Variants in SHANK2 observed in about 807,000 individuals in gnomAD.
The protein encoded by SHANK2 is SH3 and multiple ankyrin repeat domains 2, also known as SH3 and multiple ankyrin repeat domains protein 2.
Under a neutral mutation model 133.7 loss-of-function variants are expected in SHANK2, and 43 were observed. The observed-to-expected ratio is 0.32, with a 90% CI of 0.25 to 0.41. The LOEUF (loss-of-function observed/expected upper bound fraction) is 0.41, where lower values mean the gene tolerates loss of function less well. Ranked by LOEUF, SHANK2 falls within the 10% of genes least tolerant of loss-of-function variation. The probability of loss-of-function intolerance (pLI) is 1.00; values close to 1 mark genes in which losing one functional copy is unlikely to be tolerated. For synonymous variants in SHANK2, 1,017 were observed against 952.8 expected, an observed-to-expected ratio of 1.07 and a Z score of -1.24; for missense variants, 1,994 against 2,235.8, an observed-to-expected ratio of 0.89 and a Z score of 2.18.
At chr11:71,210,548 C>A (rs1433758508) in intron 2 of SHANK2, among the ~76,000 whole-genome samples, 2 of 151,946 alleles carry the variant, frequency 1.3e-5, no homozygotes, top group Non-Finnish European at 2.9e-5. Flanking sequence ...CCATGCCCAG[C>A]CCAGATACAT....
At chr11:70,867,374 G>A (rs782437757) in intron 11 of SHANK2, among the ~76,000 whole-genome samples, 19 of 152,322 alleles carry the variant, frequency 1.2e-4, no homozygotes, top group African/African-American at 3.4e-4. Flanking sequence ...GAGCAGGTCC[G>A]GAGGCCAAGG....
At chr11:70,906,526 A>C (rs1249857426) in intron 10 of SHANK2, among the ~76,000 whole-genome samples, 3 of 152,090 alleles carry the variant, frequency 2.0e-5, no homozygotes, top group African/African-American at 7.2e-5. Context: ...GCCAAAACGA[A>C]ATGTGCCTCC....
chr11:71,183,180 C>G (rs1007002455), intron 2 of SHANK2, among the ~76,000 whole-genome samples: 1 of 152,170 alleles, frequency 6.6e-6, no homozygotes, highest in African/African-American at 2.4e-5. Context: ...GCAGGCTGGG[C>G]TCCAAGGATA....
At chr11:70,513,443 G>A (rs1232718146) in intron 17 of SHANK2, among the ~76,000 whole-genome samples, 2 of 152,182 alleles carry the variant, frequency 1.3e-5, no homozygotes, top group Non-Finnish European at 2.9e-5. Flanking sequence ...TGCAATTTGA[G>A]TTTAACCAAA....
At position 70,804,209 on chromosome 11, in the gene SHANK2, A is replaced by T. The variant is rs1948113222; in HGVS notation, c.1663+2793T>A. ...TGTTCCCTTGATATCAAGGGGACAG[A>T]ATTCCTCCAAACGGCCTTGGCTCTG... On this transcript the variant is annotated intron_variant, in intron 13 of 25. Transcript: ENST00000601538. The surrounding 1 kb of genome is among the most constrained non-coding windows in gnomAD (Gnocchi z 4.1). Among the ~76,000 whole-genome samples the T allele has an allele frequency of 6.6e-6, 1 of 152,192 alleles. No homozygotes were observed. Among genetic ancestry groups the T allele is most frequent in the Admixed American group, 6.5e-5 (1 of 15,286 alleles).
intron 17 of SHANK2, among the ~76,000 whole-genome samples, chr11:70,568,453 G>A (rs968587735): frequency 1.3e-5 from 2 of 152,136 alleles, no homozygotes; most frequent in African/African-American, 2.4e-5. Context: ...CGAGTCTGAA[G>A]AACTCATTTA....
In SHANK2 at chr11:70,535,904, C is replaced by T. The variant is rs868907063; in HGVS notation, c.2062-32973G>A. Among the ~76,000 whole-genome samples, 4 of 152,342 alleles carry T rather than the reference C, an allele frequency of 2.6e-5. No individual in the cohort carries two copies. In the Middle Eastern group the frequency reaches 0.01, roughly 389 times the overall value. On this transcript the variant is annotated intron_variant, in intron 17 of 25. Coordinates refer to ENST00000601538, the MANE Select transcript of SHANK2 (RefSeq NM_012309.5). This position sits in a 1 kb window ranked among gnomAD's most constrained non-coding sequence, Gnocchi z 4.3. ...GGGGGAAGCAGTGACTGGCCGGAGACCCCAGGAAAGGCACATAGCCCAGAA... is the reference window on the plus strand; with the variant it reads ...GGGGGAAGCAGTGACTGGCCGGAGATCCCAGGAAAGGCACATAGCCCAGAA...
intron 2 of SHANK2, among the ~76,000 whole-genome samples, chr11:71,174,309 G>A (rs1323255401): frequency 2.0e-5 from 3 of 152,162 alleles, no homozygotes; most frequent in African/African-American, 7.2e-5. Context: ...AGAGGCTGAG[G>A]CGGGAGGATC....
chr11:70,792,307 C>T (rs1355875637), intron 14 of SHANK2, among the ~76,000 whole-genome samples: 2 of 150,976 alleles, frequency 1.3e-5, no homozygotes, highest in African/African-American at 2.4e-5. Flanking sequence ...AACCAACCAA[C>T]CAACCAACCA....
At chr11:70,750,668 A>G (rs781973100) in intron 14 of SHANK2, among the ~76,000 whole-genome samples, 7 of 152,154 alleles carry the variant, frequency 4.6e-5, no homozygotes, top group Non-Finnish European at 8.8e-5. Context: ...GTGAACTTCT[A>G]GGCTCAGCTC....
chr11:70,724,953 T>A (rs538746923), intron 14 of SHANK2, among the ~76,000 whole-genome samples: 1 of 152,268 alleles, frequency 6.6e-6, no homozygotes, highest in African/African-American at 2.4e-5. Flanking sequence ...CTCAAGGTAG[T>A]TAAAACCAGT....
At chr11:71,214,979 G>A (rs1030752215) in intron 2 of SHANK2, among the ~76,000 whole-genome samples, 8 of 152,244 alleles carry the variant, frequency 5.3e-5, no homozygotes, top group Non-Finnish European at 7.4e-5. Flanking sequence ...GCTGCGTGGC[G>A]GTTTCCTCCT....
At chr11:70,669,978 T>C (rs1944764371) in intron 15 of SHANK2, among the ~76,000 whole-genome samples, 1 of 152,168 alleles carries the variant, frequency 6.6e-6, no homozygotes, top group African/African-American at 2.4e-5. Flanking sequence ...ACATTGAACA[T>C]GGGCTGTGGG....
chr11:70,487,038 G>A lies in SHANK2; in HGVS notation c.3255C>T (p.Ala1085=), dbSNP rs1555154088. 6.2e-7 allele frequency: 1 copy of A among 1,609,084 alleles called. No homozygotes were observed. Among genetic ancestry groups the A allele is most frequent in the East Asian group, 2.2e-5 (1 of 44,828 alleles). Residue 1085 remains alanine, a synonymous_variant, in exon 25 of 26, where the codon GCC becomes GCT. Transcript: ENST00000601538. This position sits in a 1 kb window ranked among gnomAD's most constrained non-coding sequence, Gnocchi z 5.8. ...CCAGCCGCTTCTCACGGTCGCGGAC[G>A]GCTCCGGCGATGGCGGCGGCAAAGG... ...SSPFAAAIAG[A]VRDREKRLEA... is the part of the protein sequence containing the mutation.
chr11:70,714,779 C>A (rs1371509572), intron 14 of SHANK2, among the ~76,000 whole-genome samples: 1 of 149,456 alleles, frequency 6.7e-6, no homozygotes, highest in Non-Finnish European at 1.5e-5. Flanking sequence ...TTTTTTTTTT[C>A]TTTTGCAAAA....
intron 11 of SHANK2, among the ~76,000 whole-genome samples, chr11:70,892,576 G>T (rs967467931): frequency 6.6e-6 from 1 of 152,194 alleles, no homozygotes; most frequent in Non-Finnish European, 1.5e-5. Flanking sequence ...GGTTCTCAAG[G>T]TAAGTACTTC....
chr11:70,510,488 T>C (rs2059190436), intron 17 of SHANK2, among the ~76,000 whole-genome samples: 1 of 152,156 alleles, frequency 6.6e-6, no homozygotes, highest in South Asian at 2.1e-4. Context: ...CTGGGGCATG[T>C]AATGTGGGTC....
intron 17 of SHANK2, among the ~76,000 whole-genome samples, chr11:70,555,670 G>C (rs534103367): frequency 1.3e-5 from 2 of 152,352 alleles, no homozygotes; most frequent in African/African-American, 4.8e-5. Context: ...AGGCTGCAGT[G>C]AGCTGTGAAT....
chr11:70,617,230 TGTGCATGTGTGTCACTGAGA>T (rs1438557469), intron 17 of SHANK2, among the ~76,000 whole-genome samples: 6 of 151,964 alleles, frequency 3.9e-5, no homozygotes, highest in African/African-American at 1.5e-4. Context: ...GTTGTGTGTG[TGTGCATGTGTGTCACTGAGA>T]GTGCATGTGT....
Sources: allele counts gnomAD v4.1 joint callset (sites outside exome capture counted in the v4.1 genomes callset), GRCh38; gene constraint gnomAD v4.1.1; non-coding constraint Gnocchi (gnomAD v3.1); transcripts MANE v1.5; gene names NCBI Gene and HGNC (gene_info 2026-07-23, HGNC 2026-07-21).